FSTL5: variants seen among roughly 807,000 people sequenced by gnomAD.
FSTL5 encodes the protein follistatin like 5, also known as follistatin-related protein 5.
A neutral mutation model predicts 89.1 loss-of-function variants in FSTL5; 62 were observed. The ratio of observed to expected loss-of-function variants is 0.70; its 90% CI spans 0.57 to 0.86. The LOEUF (loss-of-function observed/expected upper bound fraction) is 0.86, where lower values mean the gene tolerates loss of function less well. Ranked by LOEUF, FSTL5 falls within the 40% of genes least tolerant of loss-of-function variation. FSTL5 has a pLI of 0.00. For missense variants in FSTL5, 1,057 were observed against 1,001.6 expected (o/e 1.06, Z -0.75); for synonymous variants, 383 against 346.2 (o/e 1.11, Z -1.18).
intron 9 of FSTL5, 64 bp from the exon 10 acceptor site, chr4:161,538,364 AT>A: frequency 6.4e-7 from 1 of 1,556,660 alleles, no homozygotes; most frequent in Non-Finnish European, 8.9e-7. Flanking sequence ...GTGCTTTCTG[AT>A]TACACAGTCA....
chr4:161,550,515 T>A (rs993805641), intron 8 of FSTL5, among the ~76,000 whole-genome samples: 1 of 150,870 alleles, frequency 6.6e-6, no homozygotes. Flanking sequence ...CAAATAACTT[T>A]TTTTTGTATT....
At chr4:161,744,909 A>T (rs1740143763) in intron 6 of FSTL5, among the ~76,000 whole-genome samples, 1 of 152,118 alleles carries the variant, frequency 6.6e-6, no homozygotes, top group African/African-American at 2.4e-5. Flanking sequence ...TATGCATTGA[A>T]AAATGGTAAA....
chr4:161,800,960 T>C (rs905969607), intron 4 of FSTL5, among the ~76,000 whole-genome samples: 2 of 151,598 alleles, frequency 1.3e-5, no homozygotes, highest in Non-Finnish European at 3.0e-5. Flanking sequence ...TAGATTAATA[T>C]CTGTTTCTTT....
intron 3 of FSTL5, among the ~76,000 whole-genome samples, chr4:161,976,235 T>C (rs1222892181): frequency 6.6e-6 from 1 of 151,984 alleles, no homozygotes; most frequent in African/African-American, 2.4e-5. Flanking sequence ...AGGCAGTAGA[T>C]TACAGAGATG....
At chr4:161,915,295 C>A (rs1733807243) in intron 4 of FSTL5, among the ~76,000 whole-genome samples, 1 of 150,492 alleles carries the variant, frequency 6.6e-6, no homozygotes, top group Non-Finnish European at 1.5e-5. Flanking sequence ...CCCCCATCAT[C>A]CCCCTCCCCC....
chr4:162,082,617 A>T (rs1440322740), intron 2 of FSTL5, among the ~76,000 whole-genome samples: 1 of 150,836 alleles, frequency 6.6e-6, no homozygotes, highest in African/African-American at 2.4e-5. Context: ...CACAGCATTC[A>T]CTAGGCCCAA....
chr4:162,146,507 A>G (rs1561044695), intron 1 of FSTL5, among the ~76,000 whole-genome samples: 3 of 152,140 alleles, frequency 2.0e-5, no homozygotes, highest in Non-Finnish European at 4.4e-5. Flanking sequence ...TACATATACT[A>G]TATATCAGTT....
At chr4:161,832,432 T>C (rs890262950) in intron 4 of FSTL5, among the ~76,000 whole-genome samples, 2 of 152,120 alleles carry the variant, frequency 1.3e-5, no homozygotes, top group Non-Finnish European at 2.9e-5. Context: ...TTTCTATTGA[T>C]TGGAATAGTT....
At chr4:161,536,747 T>C (rs1731632500) in intron 10 of FSTL5, among the ~76,000 whole-genome samples, 1 of 152,168 alleles carries the variant, frequency 6.6e-6, no homozygotes, top group Non-Finnish European at 1.5e-5. Flanking sequence ...TTTGGCTAGG[T>C]GTTTTACTGT....
Position 161,721,165 on chromosome 4 carries a change from T to C in FSTL5, c.727+38246A>G, listed in dbSNP as rs534005565. 6.1e-3 allele frequency among the ~76,000 whole-genome samples: 925 copies of C among 150,980 alleles called. 8 individuals are homozygous for C. The highest frequency in any genetic ancestry group is 0.021 in the African/African-American group (852 of 41,198). Reference sequence around the variant, plus strand: ...CGGTGGCGGGCGCCTGTAGTCCCAGTTACTGGGGAGGCTGAGGCAGGAGAA... The same window carrying C: ...CGGTGGCGGGCGCCTGTAGTCCCAGCTACTGGGGAGGCTGAGGCAGGAGAA... On this transcript the variant is annotated intron_variant, in intron 6 of 15. Transcript: ENST00000306100.
chr4:162,102,627 T>C (rs898036737), intron 2 of FSTL5, among the ~76,000 whole-genome samples: 1 of 145,142 alleles, frequency 6.9e-6, no homozygotes, highest in Non-Finnish European at 1.5e-5. Flanking sequence ...AAAATATTTA[T>C]AACATATATA....
intron 3 of FSTL5, among the ~76,000 whole-genome samples, chr4:161,987,084 C>A (rs1735983743): frequency 6.6e-6 from 1 of 152,152 alleles, no homozygotes; most frequent in African/African-American, 2.4e-5. Context: ...GTCACGCATT[C>A]CCTGCATTTC....
chr4:161,662,381 T>G (rs1736747646), intron 6 of FSTL5, among the ~76,000 whole-genome samples: 1 of 152,144 alleles, frequency 6.6e-6, no homozygotes, highest in Admixed American at 6.5e-5. Flanking sequence ...GTAAGATGTA[T>G]TATGTTTATG....
intron 7 of FSTL5, among the ~76,000 whole-genome samples, chr4:161,641,923 A>C (rs1470507899): frequency 6.6e-6 from 1 of 152,210 alleles, no homozygotes; most frequent in Non-Finnish European, 1.5e-5. Context: ...AACTACCCAC[A>C]AAGACATAGT....
At chr4:162,089,999 T>G (rs756574351) in intron 2 of FSTL5, among the ~76,000 whole-genome samples, 2 of 152,126 alleles carry the variant, frequency 1.3e-5, no homozygotes, top group African/African-American at 4.8e-5. Flanking sequence ...GGGGAAAGAC[T>G]CTCTATTCAG....
In FSTL5 at chr4:161,461,417, C is replaced by T. The variant is rs529298561; in HGVS notation, c.1609-2098G>A. Among the ~76,000 whole-genome samples the T allele has an allele frequency of 3.8e-3, 475 of 124,806 alleles. 4 individuals are homozygous for T. Among genetic ancestry groups the T allele is most frequent in the African/African-American group, 0.013 (429 of 32,136 alleles). The allele number at this position is 124,806 out of a possible 152,430, so 81.9% of individuals were successfully genotyped here. A position where few individuals can be genotyped will look rare whatever the true frequency, so the allele number is the denominator to read the frequency against. On this transcript the variant is annotated intron_variant, in intron 13 of 15. Transcript: ENST00000306100. ...GCGGTCTTGCAGTGAGCAGAGATCA[C>T]GCCATTGCACTCCAGCCTGGGTGAC...
chr4:162,096,534 A>G lies in FSTL5; in HGVS notation c.126+14737T>C, dbSNP rs367809465. 2.7e-4 allele frequency among the ~76,000 whole-genome samples: 41 copies of G among 151,962 alleles called. 3 individuals carry two copies. The highest frequency in any genetic ancestry group is 2.5e-3 in the East Asian group (13 of 5,188). ...CTGTATAATTTCTTGGTCATACCCA[A>G]GTAATCTTAAAGCTCAACATAAAAC... On this transcript the variant is annotated intron_variant, in intron 2 of 15. Transcript: ENST00000306100.
chr4:161,417,914 T>C lies in FSTL5; in HGVS notation c.1842-31465A>G, dbSNP rs555499962. Among the ~76,000 whole-genome samples the C allele has an allele frequency of 9.9e-5, 15 of 152,282 alleles. No individual in the cohort carries two copies. The South Asian group carries it at 3.1e-3, about 32-fold the overall frequency. ...ACAATTTACACAGACTGATGGAGAT[T>C]ATGAAAGTCTTTCTGGAGGAAATTA... On this transcript the variant is annotated intron_variant, in intron 15 of 15. Coordinates refer to ENST00000306100, the MANE Select transcript of FSTL5 (RefSeq NM_020116.5).
At chr4:162,005,481 G>A (rs927554033) in intron 3 of FSTL5, among the ~76,000 whole-genome samples, 2 of 152,106 alleles carry the variant, frequency 1.3e-5, no homozygotes, top group African/African-American at 4.8e-5. Context: ...CCATGTGGTT[G>A]AATAAGAAAG....
Sources: gnomAD v4.1 joint callset for allele counts (sites outside exome capture counted in the v4.1 genomes callset) on GRCh38, gnomAD v4.1.1 for gene constraint, MANE v1.5 for transcripts, NCBI Gene and HGNC (gene_info 2026-07-23, HGNC 2026-07-21) for gene names.